CRHR2: variants seen among roughly 807,000 people sequenced by gnomAD.
The protein encoded by CRHR2 is corticotropin releasing hormone receptor 2.
A neutral mutation model predicts 57.9 loss-of-function variants in CRHR2; 53 were observed. The observed-to-expected ratio is 0.92, with a 90% CI of 0.73 to 1.15. The LOEUF (loss-of-function observed/expected upper bound fraction) is 1.15, where lower values mean the gene tolerates loss of function less well. CRHR2 is among the 50% of genes most tolerant of loss of function. The probability of loss-of-function intolerance (pLI) is 0.00; values close to 1 mark genes in which losing one functional copy is unlikely to be tolerated. For synonymous variants in CRHR2, 213 were observed against 220.9 expected (o/e 0.96, Z 0.32); for missense variants, 532 against 542.6 (o/e 0.98, Z 0.19).
Position 30,662,199 on chromosome 7 carries a change from T to C in CRHR2, c.715A>G (p.Ile239Val). 2.5e-6 allele frequency: 4 copies of C among 1,614,066 alleles called. No homozygotes were observed. Among genetic ancestry groups the C allele is most frequent in the Non-Finnish European group, 3.4e-6 (4 of 1,180,006 alleles). ...FIGWCIPFPI[I>V]VAWAIGKLYY... Reference sequence around the variant, plus strand: ...AGCTTGCCGATGGCCCAGGCGACGATGATGGGGAAGGGGATGCCTGAAAGA... The same window carrying C: ...AGCTTGCCGATGGCCCAGGCGACGACGATGGGGAAGGGGATGCCTGAAAGA... Residue 239 changes from isoleucine (I) to valine (V), a missense_variant, in exon 7 of 12, where the codon ATC becomes GTC. Coordinates refer to ENST00000471646, the MANE Select transcript of CRHR2 (RefSeq NM_001883.5).
At position 30,665,541 on chromosome 7, in the gene CRHR2, G is replaced by T. The variant is rs1394020517; in HGVS notation, c.414C>A (p.Phe138Leu). The T allele has an allele frequency of 6.4e-7, 1 of 1,559,484 alleles. No individual in the cohort carries two copies. Residue 138 changes from phenylalanine to leucine, a missense_variant, in exon 4 of 12, where the codon TTC becomes TTA. Coordinates refer to ENST00000471646, the MANE Select transcript of CRHR2 (RefSeq NM_001883.5). The surrounding 1 kb of genome is among the most constrained non-coding windows in gnomAD (Gnocchi z 4.5). ...AAGGGCAGACTCACCGCAGGGCCAGGAAAAGCAGGAAGGCGGCCACCAGGG... is the reference window on the plus strand; with the variant it reads ...AAGGGCAGACTCACCGCAGGGCCAGTAAAAGCAGGAAGGCGGCCACCAGGG... ...VAALVAAFLL[F>L]LALRSIRCLR...
intron 1 of CRHR2, among the ~76,000 whole-genome samples, chr7:30,690,218 C>T (rs1584140672): frequency 6.6e-6 from 1 of 152,046 alleles, no homozygotes; most frequent in South Asian, 2.1e-4. Context: ...AGAGGTCATG[C>T]TAATGTGGGT....
intron 2 of CRHR2, among the ~76,000 whole-genome samples, chr7:30,668,014 G>C (rs1784239960): frequency 6.6e-6 from 1 of 152,230 alleles, no homozygotes; most frequent in African/African-American, 2.4e-5. Context: ...GGGACTCAGG[G>C]CTGGGCCACC....
intron 2 of CRHR2, among the ~76,000 whole-genome samples, chr7:30,671,475 G>A (rs942476911): frequency 1.3e-5 from 2 of 152,050 alleles, no homozygotes; most frequent in African/African-American, 2.4e-5. Context: ...CAACAATGGG[G>A]TCATTGGCTA....
rs778065143 is a variant in CRHR2 at position 30,655,604 on chromosome 7, G to T, written c.1029C>A (p.Phe343Leu). 4 of 1,613,998 alleles carry T rather than the reference G, an allele frequency of 2.5e-6. No homozygotes were observed. The highest frequency in any genetic ancestry group is 3.4e-6 in the Non-Finnish European group (4 of 1,179,898). Residue 343 changes from phenylalanine (F) to leucine (L), a missense_variant, in exon 10 of 12, where the codon TTC becomes TTA. By Grantham distance (22) the Phe-to-Leu change is conservative. Coordinates refer to ENST00000471646, the MANE Select transcript of CRHR2 (RefSeq NM_001883.5). ...DDLSQIMFIYFNSFLQSFQGF... is the reference protein window; with the variant it reads ...DDLSQIMFIYLNSFLQSFQGF... ...CCTGGAACGACTGCAGGAAGGAGTT[G>T]AAATAGATGAACATGATCTGTGACA...
At chr7:30,667,780 T>C (rs1243365223) in intron 2 of CRHR2, among the ~76,000 whole-genome samples, 1 of 152,256 alleles carries the variant, frequency 6.6e-6, no homozygotes, top group East Asian at 1.9e-4. Context: ...TTCTAACTGC[T>C]ATGGATATAC....
chr7:30,686,592 T>C (rs1281339330), upstream of CRHR2: 6 of 1,399,078 alleles, frequency 4.3e-6, no homozygotes, highest in African/African-American at 5.7e-5. Context: ...GCAGATTGCT[T>C]GAGCACAGGA....
chr7:30,671,818 TG>T (rs1197469871), intron 2 of CRHR2, among the ~76,000 whole-genome samples: 34 of 147,122 alleles, frequency 2.3e-4, no homozygotes, highest in Middle Eastern at 6.8e-3. Context: ...ATGATGATGA[TG>T]ATGATGATGA....
chr7:30,661,890 A>G (rs1470783921), intron 7 of CRHR2, among the ~76,000 whole-genome samples: 1 of 152,224 alleles, frequency 6.6e-6, no homozygotes, highest in Non-Finnish European at 1.5e-5. Context: ...AGGCCTTACA[A>G]AGACCAAAGG....
Position 30,660,715 on chromosome 7 carries a change from A to T in CRHR2, c.759-70T>A. 2.8e-6 allele frequency: 4 copies of T among 1,444,688 alleles called. No individual in the cohort carries two copies. In the South Asian group the frequency reaches 4.9e-5, roughly 18 times the overall value. The allele number at this position is 1,444,688 out of a possible 1,614,324, so 89.5% of individuals were successfully genotyped here. A position where few individuals can be genotyped will look rare whatever the true frequency, so the allele number is the denominator to read the frequency against. ...GGGGGACCCCCACAGACTTGGGCCC[A>T]GGGTCCTCCAGCTTTACCCTTCCTG... On this transcript the variant is annotated intron_variant, in intron 7 of 11. Transcript: ENST00000471646.
rs1273550459 is a variant in CRHR2, at chr7:30,656,049, A to G, written c.832-37T>C. On this transcript the variant is annotated intron_variant, in intron 8 of 11. Transcript: ENST00000471646. The surrounding 1 kb of genome is among the most constrained non-coding windows in gnomAD (Gnocchi z 4.4). ...GCGGGCATGGGAAAGAGGGAAAAGG[A>G]AGGAGCACGTGTTTGAGATGAGCCG... The G allele has an allele frequency of 1.3e-6, 2 of 1,596,564 alleles. No homozygotes were observed. Among genetic ancestry groups the G allele is most frequent in the African/African-American group, 1.3e-5 (1 of 74,444 alleles).
At chr7:30,688,528 G>T (rs1263083045) in intron 2 of CRHR2, among the ~76,000 whole-genome samples, 1 of 152,224 alleles carries the variant, frequency 6.6e-6, no homozygotes, top group South Asian at 2.1e-4. Context: ...CCTGGCTTGG[G>T]CAGTGCCTGT....
In CRHR2 at chr7:30,699,864, A is replaced by G. The variant is rs954308085; in HGVS notation, c.-261+80T>C. On this transcript the variant is annotated intron_variant, in intron 1 of 13. Coordinates refer to the CRHR2 transcript ENST00000341843. ...TCCAGCCCAGCCACCAGGCCCTGAG[A>G]CCCCCGCCCCTAGTCATGAGAGCTG... 4 of 1,167,380 alleles carry G rather than the reference A, an allele frequency of 3.4e-6. No individual in the cohort carries two copies. The African/African-American group carries it at 4.9e-5, about 14-fold the overall frequency. The allele number at this position is 1,167,380 out of a possible 1,614,324, so 72.3% of individuals were successfully genotyped here. A position where few individuals can be genotyped will look rare whatever the true frequency, so the allele number is the denominator to read the frequency against.
upstream of CRHR2, among the ~76,000 whole-genome samples, chr7:30,683,234 T>C (rs1311136281): frequency 2.6e-5 from 4 of 152,112 alleles, no homozygotes; most frequent in African/African-American, 9.7e-5. Flanking sequence ...ATACACCCAG[T>C]TGTTAGTGCC....
intron 2 of CRHR2, among the ~76,000 whole-genome samples, chr7:30,679,434 G>A (rs544129724): frequency 6.6e-6 from 1 of 152,282 alleles, no homozygotes; most frequent in Non-Finnish European, 1.5e-5. Flanking sequence ...AAAGCAGTAT[G>A]TATCTCAGAG....
chr7:30,662,308 C>G, intron 6 of CRHR2, 92 bp from the exon 7 acceptor site: 1 of 1,441,628 alleles, frequency 6.9e-7, no homozygotes, highest in Non-Finnish European at 9.7e-7. Context: ...GGGCTAGGAT[C>G]ATGTTTTTAC....
intron 7 of CRHR2, 48 bp from the exon 8 acceptor site, chr7:30,660,693 G>A: frequency 6.5e-7 from 1 of 1,537,702 alleles, no homozygotes; most frequent in Non-Finnish European, 8.8e-7. Context: ...TGGAACTGGG[G>A]GACCCCCACA....
intron 2 of CRHR2, among the ~76,000 whole-genome samples, chr7:30,675,768 G>A (rs564443863): frequency 9.9e-5 from 15 of 152,262 alleles, no homozygotes; most frequent in Admixed American, 6.5e-4. Flanking sequence ...TTTTACTTGG[G>A]AGCCTATATC....
intron 6 of CRHR2, 111 bp from the exon 7 acceptor site, chr7:30,662,327 CAG>C (rs1784036788): frequency 1.6e-6 from 2 of 1,268,978 alleles, no homozygotes; most frequent in East Asian, 4.8e-5. Flanking sequence ...ACTCTTCCAA[CAG>C]CAGGCCACCC....
Sources: allele counts gnomAD v4.1 joint callset (sites outside exome capture counted in the v4.1 genomes callset), GRCh38; gene constraint gnomAD v4.1.1; non-coding constraint Gnocchi (gnomAD v3.1); transcripts MANE v1.5; gene names NCBI Gene and HGNC (gene_info 2026-07-23, HGNC 2026-07-21).